Variants in GNAQ observed in about 807,000 individuals in gnomAD.
GNAQ encodes the protein guanine nucleotide-binding protein G(q) subunit alpha.
In GNAQ, 8 loss-of-function variants were observed where a neutral mutation model predicts 43.9. The observed-to-expected ratio is 0.18, with a 90% CI of 0.11 to 0.33. GNAQ has a LOEUF of 0.33. Among genes scored for constraint, GNAQ ranks in the 10% least tolerant of loss-of-function variants. The pLI is 1.00. For missense variants in GNAQ, 158 were observed against 450.8 expected (o/e 0.35, Z 5.88); for synonymous variants, 155 against 170.7 (o/e 0.91, Z 0.71).
intron 1 of GNAQ, among the ~76,000 whole-genome samples, chr9:78,003,916 T>C (rs571676361): frequency 9.9e-5 from 15 of 151,910 alleles, no homozygotes; most frequent in Middle Eastern, 3.4e-3. Context: ...AACTCACTCA[T>C]TGAGCAAACA....
chr9:78,019,508 T>C (rs1417382112), intron 1 of GNAQ, among the ~76,000 whole-genome samples: 2 of 152,212 alleles, frequency 1.3e-5, no homozygotes, highest in Admixed American at 6.5e-5. Flanking sequence ...AATATAAAGG[T>C]TCATTTCAAG....
intron 2 of GNAQ, among the ~76,000 whole-genome samples, chr9:77,866,002 G>A (rs1217201055): frequency 6.6e-6 from 1 of 152,152 alleles, no homozygotes; most frequent in African/African-American, 2.4e-5. Context: ...TTAAGAAGAG[G>A]AACAGATATT....
intron 2 of GNAQ, among the ~76,000 whole-genome samples, chr9:77,829,809 A>G (rs1827266918): frequency 6.6e-6 from 1 of 152,152 alleles, no homozygotes; most frequent in African/African-American, 2.4e-5. Context: ...ATCTGTGTGC[A>G]CATTAAAGTT....
chr9:78,030,964 G>A (rs1824049393), intron 1 of GNAQ, 136 bp downstream of exon 1: 1 of 473,190 alleles, frequency 2.1e-6, no homozygotes, highest in Non-Finnish European at 3.3e-6. Context: ...GAAGGCAGTG[G>A]CCGGGGGCGC....
chr9:77,955,581 C>G (rs183758781), intron 1 of GNAQ, among the ~76,000 whole-genome samples: 30 of 152,214 alleles, frequency 2.0e-4, no homozygotes, highest in Non-Finnish European at 3.5e-4. Context: ...TTTGGTAAAC[C>G]AAGAATTTTG....
intron 1 of GNAQ, among the ~76,000 whole-genome samples, chr9:77,984,453 T>C (rs985897064): frequency 2.0e-5 from 3 of 152,010 alleles, no homozygotes; most frequent in African/African-American, 7.2e-5. Context: ...AGCCACCACA[T>C]CCAGCCTGAA....
intron 1 of GNAQ, among the ~76,000 whole-genome samples, chr9:78,013,511 CG>C (rs1188165902): frequency 6.6e-6 from 1 of 151,492 alleles, no homozygotes; most frequent in Admixed American, 6.6e-5. Flanking sequence ...CCCCTTCCTG[CG>C]TCCATGTGTT....
chr9:77,744,966 C>T (rs1349904054), intron 5 of GNAQ, among the ~76,000 whole-genome samples: 1 of 152,058 alleles, frequency 6.6e-6, no homozygotes, highest in Non-Finnish European at 1.5e-5. Flanking sequence ...GGATGTCTGC[C>T]AAATATATGG....
intron 1 of GNAQ, among the ~76,000 whole-genome samples, chr9:77,967,065 T>C (rs1202439967): frequency 6.6e-6 from 1 of 152,212 alleles, no homozygotes; most frequent in African/African-American, 2.4e-5. Flanking sequence ...CTTTTTAGAA[T>C]TCCTTCTGCT....
chr9:77,968,800 G>C (rs947920926), intron 1 of GNAQ, among the ~76,000 whole-genome samples: 2 of 152,220 alleles, frequency 1.3e-5, no homozygotes, highest in Non-Finnish European at 2.9e-5. Flanking sequence ...GAGGAACTCA[G>C]AGAGAATACC....
chr9:77,834,200 C>CAG (rs1827346396), intron 2 of GNAQ, among the ~76,000 whole-genome samples: 1 of 152,172 alleles, frequency 6.6e-6, no homozygotes, highest in Admixed American at 6.5e-5. Context: ...AGTCTTGACC[C>CAG]AGCAGGTGGG....
intron 1 of GNAQ, among the ~76,000 whole-genome samples, chr9:77,975,832 A>G (rs1823295036): frequency 6.6e-6 from 1 of 152,044 alleles, no homozygotes. Flanking sequence ...CACTGCGCTC[A>G]GCCCCGTTAT....
intron 5 of GNAQ, among the ~76,000 whole-genome samples, chr9:77,751,125 A>C (rs1271651689): frequency 6.6e-6 from 1 of 152,226 alleles, no homozygotes; most frequent in Non-Finnish European, 1.5e-5. Context: ...TAGCAATTAA[A>C]GGTGATTACA....
chr9:77,913,047 A>T (rs1828834078), intron 2 of GNAQ, among the ~76,000 whole-genome samples: 1 of 152,182 alleles, frequency 6.6e-6, no homozygotes, highest in South Asian at 2.1e-4. Context: ...GTTGTCAAGG[A>T]TGTGGAGCAA....
rs561130985 is a variant in GNAQ, at chr9:78,006,259, T to C, written c.136+24841A>G. ...AACACAACATAAAACAAATCCATTATGTGTGTGATAAGAAATATAATTACC... is the reference window on the plus strand; with the variant it reads ...AACACAACATAAAACAAATCCATTACGTGTGTGATAAGAAATATAATTACC... On this transcript the variant is annotated intron_variant, in intron 1 of 6. Transcript: ENST00000286548. Among the ~76,000 whole-genome samples, 237 of 152,306 alleles carry C rather than the reference T, an allele frequency of 1.6e-3. 2 individuals are homozygous for C. The highest frequency in any genetic ancestry group is 4.8e-3 in the African/African-American group (199 of 41,558).
intron 1 of GNAQ, among the ~76,000 whole-genome samples, chr9:77,985,839 C>T (rs1823428547): frequency 2.0e-5 from 3 of 152,158 alleles, no homozygotes; most frequent in African/African-American, 7.2e-5. Context: ...CCACCCGCTT[C>T]AGCCTCCCAA....
Position 78,031,089 on chromosome 9 carries a change from A to G in GNAQ, c.136+11T>C, listed in dbSNP as rs775538135. 2.7e-6 allele frequency: 4 copies of G among 1,494,808 alleles called. No homozygotes were observed. Among genetic ancestry groups the G allele is most frequent in the East Asian group, 2.8e-5 (1 of 35,482 alleles). The allele number at this position is 1,494,808 out of a possible 1,614,324, so 92.6% of individuals were successfully genotyped here. On this transcript the variant is annotated intron_variant, in intron 1 of 6. Transcript: ENST00000286548. The stretch of plus-strand genomic sequence containing the variant: ...GCGCAGAGGCCCGGCGGGGCCCCGG[A>G]CGGTACTCACCGAGCAGCAGCAGCT...
chr9:78,018,038 C>T (rs1564179755), intron 1 of GNAQ, among the ~76,000 whole-genome samples: 1 of 151,748 alleles, frequency 6.6e-6, no homozygotes. Flanking sequence ...TTTTTCATAT[C>T]CTCAGACCTA....
intron 1 of GNAQ, among the ~76,000 whole-genome samples, chr9:78,028,534 A>C (rs1824010332): frequency 6.6e-6 from 1 of 152,216 alleles, no homozygotes; most frequent in African/African-American, 2.4e-5. Flanking sequence ...ATCCTCTTCC[A>C]TTAAAATGGT....
Sources: allele counts gnomAD v4.1 joint callset (sites outside exome capture counted in the v4.1 genomes callset), GRCh38; gene constraint gnomAD v4.1.1; transcripts MANE v1.5; gene names NCBI Gene and HGNC (gene_info 2026-07-23, HGNC 2026-07-21).